Variants in AGTR1 observed in about 807,000 individuals in gnomAD.
The protein encoded by AGTR1 is type-1 angiotensin II receptor.
A neutral mutation model predicts 19.4 loss-of-function variants in AGTR1; 16 were observed. The observed-to-expected ratio is 0.82, with a 90% confidence interval of 0.56 to 1.25. AGTR1 has a LOEUF of 1.25. Among genes scored for constraint, AGTR1 ranks in the 50% most tolerant of loss-of-function variants. The pLI, the probability that AGTR1 is intolerant of heterozygous loss-of-function variation, is 0.00. For synonymous variants in AGTR1, 153 were observed against 154.9 expected (o/e 0.99, Z 0.09); for missense variants, 373 against 431.9 (o/e 0.86, Z 1.21).
At chr3:148,732,149 A>C (rs930652167) in intron 2 of AGTR1, among the ~76,000 whole-genome samples, 11 of 152,240 alleles carry the variant, frequency 7.2e-5, no homozygotes, top group Non-Finnish European at 1.5e-4. Flanking sequence ...TCTTCACAGG[A>C]CCATGTAATC....
chr3:148,733,395 T>G (rs1162743371), intron 2 of AGTR1, among the ~76,000 whole-genome samples: 3 of 152,236 alleles, frequency 2.0e-5, no homozygotes, highest in Non-Finnish European at 2.9e-5. Flanking sequence ...AATATTATCA[T>G]AATTTCTTAA....
chr3:148,734,365 C>T (rs1157063883), intron 2 of AGTR1, among the ~76,000 whole-genome samples: 2 of 152,136 alleles, frequency 1.3e-5, no homozygotes, highest in Non-Finnish European at 2.9e-5. Context: ...AATGATGGAA[C>T]ATTTAACCAC....
chr3:148,723,833 G>A (rs12721241), intron 2 of AGTR1, among the ~76,000 whole-genome samples: 47,536 of 152,044 alleles, frequency 0.31, 10,240 homozygotes, highest in African/African-American at 0.62. Flanking sequence ...CGCTGCATGT[G>A]GAATGGAAGG....
chr3:148,721,323 T>G (rs1047231227), intron 2 of AGTR1, among the ~76,000 whole-genome samples: 1 of 152,198 alleles, frequency 6.6e-6, no homozygotes, highest in African/African-American at 2.4e-5. Context: ...ATTGCAGTAT[T>G]ATCCCCACTT....
At chr3:148,719,118 A>C (rs1043317672) in intron 2 of AGTR1, among the ~76,000 whole-genome samples, 11 of 152,228 alleles carry the variant, frequency 7.2e-5, no homozygotes, top group African/African-American at 1.9e-4. Flanking sequence ...TGAAGTTGAA[A>C]GCTGGAAGTC....
At chr3:148,711,151 T>C (rs1272999667) in intron 2 of AGTR1, among the ~76,000 whole-genome samples, 1 of 152,154 alleles carries the variant, frequency 6.6e-6, no homozygotes, top group Non-Finnish European at 1.5e-5. Flanking sequence ...TTTTCATCAA[T>C]ATAATGATCC....
chr3:148,741,140 C>T lies in AGTR1; in HGVS notation c.105C>T (p.Tyr35=). The change falls in exon 3 of 3, where the codon TAC becomes TAT. Residue 35 remains tyrosine, a synonymous_variant. Transcript: ENST00000349243. ...TATTTGTCATGATTCCTACTTTATA[C>T]AGTATCATCTTTGTGGTGGGAATAT... ...NYIFVMIPTL[Y]SIIFVVGIFG... is the part of the protein sequence containing the mutation. 1 of 1,614,176 alleles carries T rather than the reference C, an allele frequency of 6.2e-7. No individual in the cohort carries two copies. The highest frequency in any genetic ancestry group is 8.5e-7 in the Non-Finnish European group (1 of 1,180,022).
At chr3:148,724,197 C>T (rs912089980) in intron 2 of AGTR1, among the ~76,000 whole-genome samples, 2 of 152,150 alleles carry the variant, frequency 1.3e-5, no homozygotes, top group Non-Finnish European at 2.9e-5. Flanking sequence ...GAAGTGACCC[C>T]GTGGCCCCCC....
chr3:148,714,192 T>G (rs1392947755), intron 2 of AGTR1, among the ~76,000 whole-genome samples: 1 of 152,102 alleles, frequency 6.6e-6, no homozygotes, highest in East Asian at 1.9e-4. Context: ...GAGCACAAAG[T>G]CGTGAGCAAG....
chr3:148,717,197 A>G (rs7623953), intron 2 of AGTR1, among the ~76,000 whole-genome samples: 45,955 of 152,074 alleles, frequency 0.3, 10,657 homozygotes, highest in African/African-American at 0.65. Flanking sequence ...AAGACAAAAA[A>G]GATCAGACAA....
intron 2 of AGTR1, among the ~76,000 whole-genome samples, chr3:148,730,739 CAG>C (rs1490914277): frequency 6.6e-6 from 1 of 152,182 alleles, no homozygotes; most frequent in African/African-American, 2.4e-5. Context: ...ACCCCACCCA[CAG>C]AGTTTCTGAT....
intron 2 of AGTR1, among the ~76,000 whole-genome samples, chr3:148,713,255 A>T (rs1713103706): frequency 1.3e-5 from 2 of 150,792 alleles, no homozygotes; most frequent in Admixed American, 6.6e-5. Context: ...ATATTTAATC[A>T]TTTTTTTTCT....
At chr3:148,717,492 A>G (rs892814885) in intron 2 of AGTR1, among the ~76,000 whole-genome samples, 4 of 152,186 alleles carry the variant, frequency 2.6e-5, no homozygotes, top group Non-Finnish European at 4.4e-5. Flanking sequence ...TCTTACTGTT[A>G]CTGTTTAATT....
intron 2 of AGTR1, among the ~76,000 whole-genome samples, chr3:148,717,388 G>A (rs963545726): frequency 2.4e-4 from 37 of 152,114 alleles, no homozygotes; most frequent in African/African-American, 8.4e-4. Context: ...ACCAATGCCA[G>A]GGCCAGCAAC....
chr3:148,703,402 AAC>A (rs1294038649), intron 1 of AGTR1, among the ~76,000 whole-genome samples: 5 of 152,186 alleles, frequency 3.3e-5, no homozygotes, highest in Non-Finnish European at 5.9e-5. Context: ...AGGGAAAAGA[AAC>A]ACAGTGTACC....
At chr3:148,711,187 A>G (rs1317734985) in intron 2 of AGTR1, among the ~76,000 whole-genome samples, 1 of 152,170 alleles carries the variant, frequency 6.6e-6, no homozygotes, top group African/African-American at 2.4e-5. Context: ...GTTCTTAATC[A>G]CTATTTGTCA....
chr3:148,732,118 C>T (rs1451441250), intron 2 of AGTR1, among the ~76,000 whole-genome samples: 1 of 152,246 alleles, frequency 6.6e-6, no homozygotes, highest in Non-Finnish European at 1.5e-5. Context: ...GTTATTTTAA[C>T]AGTATCACAT....
intron 2 of AGTR1, among the ~76,000 whole-genome samples, chr3:148,713,790 CTA>C (rs914077633): frequency 3.9e-5 from 6 of 152,110 alleles, no homozygotes; most frequent in African/African-American, 1.4e-4. Context: ...TCAGACAGGG[CTA>C]TGTTTTAGAT....
chr3:148,735,117 G>A (rs1358073669), intron 2 of AGTR1, among the ~76,000 whole-genome samples: 1 of 152,112 alleles, frequency 6.6e-6, no homozygotes, highest in East Asian at 1.9e-4. Flanking sequence ...GGACCAGTAG[G>A]CACATATACT....
Sources: gnomAD v4.1 joint callset for allele counts (sites outside exome capture counted in the v4.1 genomes callset) on GRCh38, gnomAD v4.1.1 for gene constraint, MANE v1.5 for transcripts, NCBI Gene and HGNC (gene_info 2026-07-23, HGNC 2026-07-21) for gene names.